ATP5F1A: variants seen among roughly 807,000 people sequenced by gnomAD.
ATP5F1A encodes the protein ATP synthase F(1) complex subunit alpha, mitochondrial.
ATP5F1A carries 24 observed loss-of-function variants against 57.4 expected under a neutral mutation model. The observed-to-expected ratio is 0.42, with a 90% CI of 0.30 to 0.59. ATP5F1A has a LOEUF of 0.59. Among genes scored for constraint, ATP5F1A ranks in the 20% least tolerant of loss-of-function variants. The probability of loss-of-function intolerance (pLI) is 0.19; values close to 1 mark genes in which losing one functional copy is unlikely to be tolerated. For synonymous variants in ATP5F1A, 251 were observed against 255.5 expected (o/e 0.98, Z 0.17); for missense variants, 494 against 707.9 (o/e 0.70, Z 3.43).
chr18:46,091,859 A>C lies in ATP5F1A; in HGVS notation c.140-8T>G, dbSNP rs1466986914. The stretch of plus-strand genomic sequence containing the variant: ...AGGACATCTCAGCAGTCCCTATGGA[A>C]GACAATTCAATTCAATTAAAAAAAT... On this transcript the variant is annotated splice_region_variant and splice_polypyrimidine_tract_variant and intron_variant, in intron 2 of 11. Coordinates refer to ENST00000398752, the MANE Select transcript of ATP5F1A (RefSeq NM_004046.6). 1 of 1,604,228 alleles carries C rather than the reference A, an allele frequency of 6.2e-7. No homozygotes were observed. The highest frequency in any genetic ancestry group is 8.5e-7 in the Non-Finnish European group (1 of 1,177,060).
At chr18:46,091,479 T>C (rs920261355) in intron 3 of ATP5F1A, among the ~76,000 whole-genome samples, 1 of 152,200 alleles carries the variant, frequency 6.6e-6, no homozygotes, top group Non-Finnish European at 1.5e-5. Context: ...AAGTTATGTA[T>C]AAATCAGTCC....
Position 46,087,230 on chromosome 18 carries a change from A to G in ATP5F1A, c.954T>C (p.Ala318=). ...ACAGAGACATCTGACGGTAAGCAAC[A>G]GCCTATGGTACAGAATAGGTTTGTG... ...LIIYDDLSKQ[A]VAYRQMSLLL... The change falls in exon 8 of 12, where the codon GCT becomes GCC. Residue 318 remains alanine (A), a splice_region_variant and synonymous_variant. Transcript: ENST00000398752. 1 of 1,614,218 alleles carries G rather than the reference A, an allele frequency of 6.2e-7. No individual in the cohort carries two copies. The highest frequency in any genetic ancestry group is 8.5e-7 in the Non-Finnish European group (1 of 1,180,028).
intron 2 of ATP5F1A, among the ~76,000 whole-genome samples, chr18:46,094,032 G>A (rs927737256): frequency 7.2e-5 from 11 of 151,958 alleles, no homozygotes; most frequent in South Asian, 4.2e-4. Context: ...ACTTGAACCC[G>A]TGAGGCAGAG....
In ATP5F1A at chr18:46,081,197, A is replaced by T. The variant is rs573641119; in HGVS notation, c.*3085T>A. ...GTAGTTAACATTTGGAATTTGATTT[A>T]TAATGGACAAACATGGTTGTCTTCA... On this transcript the variant is annotated 3_prime_UTR_variant, in exon 12 of 12. Transcript: ENST00000398752. The T allele has an allele frequency of 6.6e-6, 1 of 151,140 alleles. No homozygotes were observed. The highest frequency in any genetic ancestry group is 2.1e-4 in the South Asian group (1 of 4,784). The allele number at this position is 151,140 out of a possible 1,614,324, so 9.4% of individuals were successfully genotyped here. A position where few individuals can be genotyped will look rare whatever the true frequency, so the allele number is the denominator to read the frequency against.
At chr18:46,098,458 G>T, upstream of ATP5F1A, 3 of 1,311,540 alleles carry the variant, frequency 2.3e-6, no homozygotes, top group Non-Finnish European at 3.0e-6. Flanking sequence ...CAAAATGAAT[G>T]ATTAGATATA....
At chr18:46,100,608 T>A (rs1304929856), upstream of ATP5F1A, among the ~76,000 whole-genome samples, 2 of 152,206 alleles carry the variant, frequency 1.3e-5, no homozygotes, top group African/African-American at 2.4e-5. Flanking sequence ...AGACCCTATA[T>A]CAAAACAAAC....
chr18:46,102,925 G>T (rs961032220), upstream of ATP5F1A, among the ~76,000 whole-genome samples: 2 of 152,088 alleles, frequency 1.3e-5, no homozygotes, highest in Non-Finnish European at 2.9e-5. Flanking sequence ...CAGCTTGGAC[G>T]AAAGAGCAAG....
chr18:46,086,810 C>G (rs1479886836), intron 8 of ATP5F1A, 198 bp downstream of exon 8: 1 of 642,064 alleles, frequency 1.6e-6, no homozygotes, highest in African/African-American at 1.8e-5. Flanking sequence ...ACGAAACATG[C>G]TACTCTATGC....
chr18:46,082,891 A>C lies in ATP5F1A; in HGVS notation c.*1391T>G, dbSNP rs985510474. On this transcript the variant is annotated 3_prime_UTR_variant, in exon 12 of 12. Coordinates refer to ENST00000398752, the MANE Select transcript of ATP5F1A (RefSeq NM_004046.6). ...TGGTGAAACCTTGTCTCTACTAAAA[A>C]TACAAAATGTTAGCCGGGTGTGGTG... 4 of 152,052 alleles carry C rather than the reference A, an allele frequency of 2.6e-5. No homozygotes were observed. Among genetic ancestry groups the C allele is most frequent in the African/African-American group, 9.7e-5 (4 of 41,388 alleles). The allele number at this position is 152,052 out of a possible 1,614,324, so 9.4% of individuals were successfully genotyped here. A position where few individuals can be genotyped will look rare whatever the true frequency, so the allele number is the denominator to read the frequency against.
intron 1 of ATP5F1A, chr18:46,097,843 G>A (rs2144223070): frequency 1.7e-6 from 2 of 1,143,848 alleles, no homozygotes; most frequent in Non-Finnish European, 2.1e-6. Context: ...CACCGATTCA[G>A]AACAGGCCTC....
At position 46,086,102 on chromosome 18, in the gene ATP5F1A, GAAC is replaced by G. The variant is rs776400104; in HGVS notation, c.1429+8_1429+10del. On this transcript the variant is annotated splice_region_variant and intron_variant, in intron 10 of 11. Coordinates refer to ENST00000398752, the MANE Select transcript of ATP5F1A (RefSeq NM_004046.6). ...TAGGAACCTGACCAAATGAAGAAAAGAACAACTTACAATACTGTCCTTGCTTCA... is the reference window on the plus strand; with the variant it reads ...TAGGAACCTGACCAAATGAAGAAAAGAACTTACAATACTGTCCTTGCTTCA... 2 of 1,610,798 alleles carry G rather than the reference GAAC, an allele frequency of 1.2e-6. No individual in the cohort carries two copies. Among genetic ancestry groups the G allele is most frequent in the Non-Finnish European group, 1.7e-6 (2 of 1,179,342 alleles).
intron 1 of ATP5F1A, among the ~76,000 whole-genome samples, chr18:46,095,811 C>T (rs936637833): frequency 5.9e-5 from 9 of 151,862 alleles, no homozygotes; most frequent in Non-Finnish European, 1.3e-4. Flanking sequence ...TTTATAGAGA[C>T]AGGATTTCAT....
At chr18:46,090,804 G>GATAGT (rs1218801092) in intron 3 of ATP5F1A, among the ~76,000 whole-genome samples, 2 of 152,168 alleles carry the variant, frequency 1.3e-5, no homozygotes, top group Non-Finnish European at 2.9e-5. Flanking sequence ...GATTAATAGT[G>GATAGT]ATAGTATAGT....
rs1909780316 is a variant in ATP5F1A at position 46,082,036 on chromosome 18, T to C, written c.*2246A>G. ...ACCCTAGGAAAAATATTTTAGAACA[T>C]GACCATGTATGACCCTTACAGACAA... On this transcript the variant is annotated 3_prime_UTR_variant, in exon 12 of 12. Coordinates refer to ENST00000398752, the MANE Select transcript of ATP5F1A (RefSeq NM_004046.6). 7.0e-6 allele frequency: 1 copy of C among 143,124 alleles called. No individual in the cohort carries two copies. The highest frequency in any genetic ancestry group is 7.2e-5 in the Admixed American group (1 of 13,944). 8.9% of individuals were successfully genotyped at this position (143,124 alleles called of 1,614,324 possible). A position where few individuals can be genotyped will look rare whatever the true frequency, so the allele number is the denominator to read the frequency against.
rs35693676 is a variant in ATP5F1A at position 46,082,079 on chromosome 18, TAAA to T, written c.*2200_*2202del. The stretch of plus-strand genomic sequence containing the variant: ...ACAGACAAAAGCCTTTATATATCAG[TAAA>T]AAAAAAAAAAAAAAAAAGAGGCCGG... On this transcript the variant is annotated 3_prime_UTR_variant, in exon 12 of 12. Transcript: ENST00000398752. The T allele has an allele frequency of 0.43, 52,632 of 121,556 alleles. 10,393 individuals carry two copies. Among genetic ancestry groups the T allele is most frequent in the Middle Eastern group, 0.59 (141 of 240 alleles). 7.5% of individuals were successfully genotyped at this position (121,556 alleles called of 1,614,324 possible).
In ATP5F1A at chr18:46,088,088, G is replaced by A. The variant is rs202003216; in HGVS notation, c.799+21C>T. On this transcript the variant is annotated intron_variant, in intron 6 of 11. Coordinates refer to ENST00000398752, the MANE Select transcript of ATP5F1A (RefSeq NM_004046.6). ...AATGGGACTTAAGATAATAGCAATG[G>A]GACTAAATTTCTTTTAATACCTGCA... 1.0e-5 allele frequency: 16 copies of A among 1,587,242 alleles called. No individual in the cohort carries two copies. The African/African-American group carries it at 1.6e-4, about 16-fold the overall frequency.
At position 46,098,212 on chromosome 18, in the gene ATP5F1A, G is replaced by A; in HGVS notation, c.20C>T (p.Ala7Val). The change falls in exon 1 of 12, where the codon GCT becomes GTT. Residue 7 changes from alanine (A) to valine (V), a missense_variant. Transcript: ENST00000398752. ...AGGAAGGGCGCGGACCACGGCCGCA[G>A]CAACGCGCACGGACAGCATCTTTGC... Reference protein sequence around the residue: MLSVRVAAAVVRALPRR... With the variant: MLSVRVVAAVVRALPRR... 6.2e-7 allele frequency: 1 copy of A among 1,607,016 alleles called. No individual in the cohort carries two copies. Among genetic ancestry groups the A allele is most frequent in the Non-Finnish European group, 8.5e-7 (1 of 1,179,220 alleles).
rs770383471 is a variant in ATP5F1A, at chr18:46,096,500, C to CAAAAAA, written c.61-1375_61-1370dup. Among the ~76,000 whole-genome samples, 118 of 70,626 alleles carry CAAAAAA rather than the reference C, an allele frequency of 1.7e-3. 2 individuals carry two copies. The highest frequency in any genetic ancestry group is 0.011 in the Middle Eastern group (1 of 90). 46.3% of individuals were successfully genotyped at this position (70,626 alleles called of 152,430 possible). A position where few individuals can be genotyped will look rare whatever the true frequency, so the allele number is the denominator to read the frequency against. On this transcript the variant is annotated intron_variant, in intron 1 of 11. Transcript: ENST00000398752. ...GGGCGACAAAAGCAAAACTCCGTCT[C>CAAAAAA]AAAAAAAAAAAAAAAAAGCAACTGT...
Position 46,080,404 on chromosome 18 carries a change from G to A in ATP5F1A, c.*3878C>T, listed in dbSNP as rs568636390. 6.6e-6 allele frequency: 1 copy of A among 152,282 alleles called. No individual in the cohort carries two copies. The highest frequency in any genetic ancestry group is 2.1e-4 in the South Asian group (1 of 4,830). 9.4% of individuals were successfully genotyped at this position (152,282 alleles called of 1,614,324 possible). On this transcript the variant is annotated 3_prime_UTR_variant, in exon 12 of 12. Transcript: ENST00000398752. ...ACAGCCATTTTGTTGCCACACAGAA[G>A]GGCCACTTGGGCAGTGTATTTAGGC...
Sources: allele counts gnomAD v4.1 joint callset (sites outside exome capture counted in the v4.1 genomes callset), GRCh38; gene constraint gnomAD v4.1.1; transcripts MANE v1.5; gene names NCBI Gene and HGNC (gene_info 2026-07-23, HGNC 2026-07-21).